PARD3: variants seen among roughly 807,000 people sequenced by gnomAD.
PARD3 encodes par-3 family cell polarity regulator, also known as partitioning defective 3 homolog.
In PARD3, 75 loss-of-function variants were observed where a neutral mutation model predicts 155.4. That is an observed-to-expected ratio of 0.48 (90% CI 0.40 to 0.58). PARD3 has a LOEUF of 0.58. PARD3 is among the 20% of genes least tolerant of loss of function. The pLI is 0.00. For synonymous variants in PARD3, 576 were observed against 610.5 expected (o/e 0.94, Z 0.83); for missense variants, 1,642 against 1,721.7 (o/e 0.95, Z 0.82).
intron 1 of PARD3, among the ~76,000 whole-genome samples, chr10:34,744,188 G>A (rs11009912): frequency 0.22 from 32,807 of 151,980 alleles, 4,696 homozygotes; most frequent in East Asian, 0.54. Flanking sequence ...AATAAATAGC[G>A]CAACAACTTA....
chr10:34,565,588 G>A (rs2085869622), intron 2 of PARD3, among the ~76,000 whole-genome samples: 1 of 152,036 alleles, frequency 6.6e-6, no homozygotes, highest in Admixed American at 6.6e-5. Flanking sequence ...TCTTAACTCT[G>A]TAAATAACTT....
At position 34,382,757 on chromosome 10, in the gene PARD3, C is replaced by G. The variant is rs1210407377; in HGVS notation, c.1182G>C (p.Val394=). The G allele has an allele frequency of 1.2e-6, 2 of 1,614,192 alleles. No individual in the cohort carries two copies. The highest frequency in any genetic ancestry group is 8.5e-7 in the Non-Finnish European group (1 of 1,180,038). Residue 394 remains valine, a synonymous_variant, in exon 9 of 25, where the codon GTG becomes GTC. Transcript: ENST00000374788. Reference sequence around the variant, plus strand: ...GCACCGTGTGAAGCCCTGCACTGTTCACACTCCTGTTGTCAATATACTGGC... The same window carrying G: ...GCACCGTGTGAAGCCCTGCACTGTTGACACTCCTGTTGTCAATATACTGGC... ...PDSQYIDNRS[V]NSAGLHTVQR... is the part of the protein sequence containing the mutation.
At chr10:34,750,126 G>A (rs376518401) in intron 1 of PARD3, among the ~76,000 whole-genome samples, 10 of 151,562 alleles carry the variant, frequency 6.6e-5, no homozygotes, top group Admixed American at 1.3e-4. Flanking sequence ...TTCATGGGAT[G>A]GGTCCACTTT....
intron 2 of PARD3, among the ~76,000 whole-genome samples, chr10:34,605,911 A>ATCTCCTATATATATC (rs2132556599): frequency 2.0e-5 from 2 of 99,978 alleles, no homozygotes; most frequent in African/African-American, 8.6e-5. Context: ...CTATATATAT[A>ATCTCCTATATATATC]TCTCCTATAT....
At chr10:34,432,382 G>C (rs1226740310) in intron 5 of PARD3, among the ~76,000 whole-genome samples, 1 of 125,650 alleles carries the variant, frequency 8.0e-6, no homozygotes, top group African/African-American at 3.0e-5. Flanking sequence ...ACACAGAGGA[G>C]TAAAGGTATA....
At chr10:34,209,104 A>G (rs1220281821) in intron 22 of PARD3, among the ~76,000 whole-genome samples, 1 of 152,342 alleles carries the variant, frequency 6.6e-6, no homozygotes, top group South Asian at 2.1e-4. Context: ...AACTTTAACT[A>G]GAGGGAAAAA....
At chr10:34,266,013 AG>A (rs1273387841) in intron 22 of PARD3, among the ~76,000 whole-genome samples, 1 of 152,240 alleles carries the variant, frequency 6.6e-6, no homozygotes, top group African/African-American at 2.4e-5. Context: ...TTTAGATTTA[AG>A]AAACATTATT....
intron 22 of PARD3, among the ~76,000 whole-genome samples, chr10:34,213,974 T>C (rs777031442): frequency 6.6e-6 from 1 of 152,146 alleles, no homozygotes; most frequent in South Asian, 2.1e-4. Flanking sequence ...TAGCTCACTG[T>C]AGCCTTGAAC....
At chr10:34,671,740 T>C (rs190121268) in intron 2 of PARD3, among the ~76,000 whole-genome samples, 11 of 152,314 alleles carry the variant, frequency 7.2e-5, no homozygotes, top group African/African-American at 2.4e-4. Flanking sequence ...TTGTTCTATC[T>C]ATCGCAAAGA....
At chr10:34,416,844 T>A (rs927358298) in intron 5 of PARD3, among the ~76,000 whole-genome samples, 5 of 152,242 alleles carry the variant, frequency 3.3e-5, no homozygotes, top group Admixed American at 1.3e-4. Context: ...TTGAAATGTC[T>A]TTGCAAAATT....
intron 1 of PARD3, among the ~76,000 whole-genome samples, chr10:34,765,510 T>A (rs1837978021): frequency 6.6e-6 from 1 of 151,986 alleles, no homozygotes; most frequent in South Asian, 2.1e-4. Flanking sequence ...AAACCCCGTC[T>A]CTACTAAAAA....
At chr10:34,209,303 T>A (rs771840430) in intron 22 of PARD3, among the ~76,000 whole-genome samples, 2 of 152,174 alleles carry the variant, frequency 1.3e-5, no homozygotes, top group Non-Finnish European at 1.5e-5. Flanking sequence ...GGAGGTTGAT[T>A]TGGTTATCAG....
At chr10:34,247,340 A>G (rs1954020781) in intron 22 of PARD3, among the ~76,000 whole-genome samples, 1 of 152,136 alleles carries the variant, frequency 6.6e-6, no homozygotes, top group African/African-American at 2.4e-5. Flanking sequence ...CATCTCTACT[A>G]AAAATACAAA....
chr10:34,523,837 T>G (rs1000128552), intron 2 of PARD3, among the ~76,000 whole-genome samples: 2 of 152,224 alleles, frequency 1.3e-5, no homozygotes, highest in African/African-American at 4.8e-5. Flanking sequence ...AAACTATCAC[T>G]AATTCAAAAA....
In PARD3 at chr10:34,360,234, A is replaced by C. The variant is rs1839313095; in HGVS notation, c.1733T>G (p.Leu578Arg). ...AAATTCCCTGGTGCCATCAGGTGTA[A>C]GAACAATATCCTCATCTTCTGCTTT... ...ETKAEDEDIV[L>R]TPDGTREFLT... The change falls in exon 13 of 25, where the codon CTT becomes CGT. Residue 578 changes from leucine to arginine, a missense_variant. By Grantham distance (102) the Leu-to-Arg change is moderately radical. Coordinates refer to ENST00000374788, the MANE Select transcript of PARD3 (RefSeq NM_001184785.2). 6.2e-7 allele frequency: 1 copy of C among 1,613,404 alleles called. No individual in the cohort carries two copies. The highest frequency in any genetic ancestry group is 1.1e-5 in the South Asian group (1 of 91,084).
chr10:34,441,564 G>C (rs1463148211), intron 5 of PARD3, among the ~76,000 whole-genome samples: 2 of 152,164 alleles, frequency 1.3e-5, no homozygotes, highest in African/African-American at 2.4e-5. Context: ...TGGAAAAGTA[G>C]AATGCCATCT....
intron 2 of PARD3, among the ~76,000 whole-genome samples, chr10:34,541,896 G>T (rs1280467252): frequency 6.6e-6 from 1 of 151,858 alleles, no homozygotes; most frequent in African/African-American, 2.4e-5. Context: ...TGGGAAGGTG[G>T]GACAGGGTCT....
intron 2 of PARD3, among the ~76,000 whole-genome samples, chr10:34,535,323 T>C (rs983868181): frequency 6.6e-6 from 1 of 152,120 alleles, no homozygotes; most frequent in African/African-American, 2.4e-5. Context: ...GAACGCTGTC[T>C]TGGTGTGCCT....
At chr10:34,408,077 A>C (rs1161594266) in intron 5 of PARD3, among the ~76,000 whole-genome samples, 2 of 152,130 alleles carry the variant, frequency 1.3e-5, no homozygotes, top group Non-Finnish European at 2.9e-5. Context: ...AGGTCCAAGA[A>C]GTAAATATTT....
Sources: allele counts gnomAD v4.1 joint callset (sites outside exome capture counted in the v4.1 genomes callset), GRCh38; gene constraint gnomAD v4.1.1; transcripts MANE v1.5; gene names NCBI Gene and HGNC (gene_info 2026-07-23, HGNC 2026-07-21).